The following SH2D1A variants were observed in gnomAD, a reference collection of about 807,000 sequenced individuals.
The protein encoded by SH2D1A is SH2 domain-containing protein 1A.
SH2D1A carries 6 observed loss-of-function variants against 10.1 expected under a neutral mutation model. The ratio of observed to expected loss-of-function variants is 0.60; its 90% CI spans 0.33 to 1.18. The LOEUF (loss-of-function observed/expected upper bound fraction) is 1.18. Among genes scored for constraint, SH2D1A ranks in the 50% most tolerant of loss-of-function variants. The pLI, the probability that SH2D1A is intolerant of heterozygous loss-of-function variation, is 0.04. For synonymous variants in SH2D1A, 42 were observed against 36.9 expected (o/e 1.14, Z -0.51); for missense variants, 51 against 97.6 (o/e 0.52, Z 2.01).
chrX:124,365,386 A>C (rs1345406703), intron 1 of SH2D1A, among the ~76,000 whole-genome samples: 2 of 110,092 alleles, frequency 1.8e-5, no homozygotes, highest in African/African-American at 6.6e-5. Context: ...TTTCACCTTA[A>C]GTTTCGATAT....
intron 1 of SH2D1A, among the ~76,000 whole-genome samples, chrX:124,361,806 T>C (rs2060040761): frequency 8.9e-6 from 1 of 112,176 alleles, no homozygotes; most frequent in Non-Finnish European, 1.9e-5. Context: ...CAGTCCCTCC[T>C]GACTGCTTAT....
intron 1 of SH2D1A, among the ~76,000 whole-genome samples, chrX:124,348,505 C>T (rs1273774317): frequency 1.8e-5 from 2 of 111,351 alleles, no homozygotes; most frequent in African/African-American, 3.3e-5. Flanking sequence ...AGGATTTCTG[C>T]GCTTATTGTT....
intron 2 of SH2D1A, among the ~76,000 whole-genome samples, chrX:124,366,876 AACACACACACACACACACAC>A (rs59536671): frequency 9.2e-5 from 8 of 87,089 alleles, no homozygotes; most frequent in African/African-American, 2.1e-4. Context: ...TATACTGACA[AACACACACACACACACACAC>A]ACACACACAC....
At chrX:124,348,059 A>G (rs769717279) in intron 1 of SH2D1A, among the ~76,000 whole-genome samples, 1 of 111,945 alleles carries the variant, frequency 8.9e-6, no homozygotes, top group African/African-American at 3.2e-5. Context: ...AAGATTTTTC[A>G]CTGTATATTG....
chrX:124,355,004 G>A (rs957875726), intron 1 of SH2D1A, among the ~76,000 whole-genome samples: 1 of 112,666 alleles, frequency 8.9e-6, no homozygotes, highest in Non-Finnish European at 1.9e-5. Flanking sequence ...ATGGCTTTGT[G>A]TAGGATACTA....
chrX:124,363,417 A>G (rs1461693712), intron 1 of SH2D1A, among the ~76,000 whole-genome samples: 1 of 111,759 alleles, frequency 8.9e-6, no homozygotes, highest in African/African-American at 3.3e-5. Context: ...TGTGCAATAT[A>G]GCAACATTTT....
chrX:124,353,945 CCA>C (rs1428419756), intron 1 of SH2D1A, among the ~76,000 whole-genome samples: 5 of 112,083 alleles, frequency 4.5e-5, no homozygotes, highest in Admixed American at 1.9e-4. Flanking sequence ...AAATAAAATT[CCA>C]GTTTATCAGT....
rs2060071181 is a variant in SH2D1A, at chrX:124,372,229, G to T, written c.*838G>T. Reference sequence around the variant, plus strand: ...TTAAAGTAACCCTACAAAACCACTGGAAAGTTTATGGTTGTATTATTTTTT... The same window carrying T: ...TTAAAGTAACCCTACAAAACCACTGTAAAGTTTATGGTTGTATTATTTTTT... On this transcript the variant is annotated 3_prime_UTR_variant, in exon 4 of 4. Coordinates refer to ENST00000371139, the MANE Select transcript of SH2D1A (RefSeq NM_002351.5). 2 of 164,112 alleles carry T rather than the reference G, an allele frequency of 1.2e-5. No individual in the cohort carries two copies. The highest frequency in any genetic ancestry group is 2.3e-5 in the Non-Finnish European group (2 of 85,663). 13.5% of individuals were successfully genotyped at this position (164,112 alleles called of 1,213,427 possible).
chrX:124,361,171 G>A (rs1432202943), intron 1 of SH2D1A, among the ~76,000 whole-genome samples: 3 of 111,492 alleles, frequency 2.7e-5, no homozygotes, highest in Admixed American at 9.6e-5. Context: ...TGATAAATGA[G>A]ATCATAAGGA....
At chrX:124,355,285 G>A in intron 1 of SH2D1A, among the ~76,000 whole-genome samples, 1 of 13,442 alleles carries the variant, frequency 7.4e-5, no homozygotes, top group East Asian at 0.042. Flanking sequence ...AAATAAGTCA[G>A]GTTGGTTGCT....
intron 2 of SH2D1A, among the ~76,000 whole-genome samples, chrX:124,369,125 A>G (rs2060063218): frequency 9.0e-6 from 1 of 111,384 alleles, no homozygotes; most frequent in Non-Finnish European, 1.9e-5. Context: ...TCAGCATACC[A>G]CTATCTAGCT....
intron 2 of SH2D1A, among the ~76,000 whole-genome samples, chrX:124,369,859 T>C (rs1293035441): frequency 9.0e-6 from 1 of 111,218 alleles, no homozygotes; most frequent in East Asian, 2.8e-4. Context: ...TTGTGGGTAA[T>C]GGCCTGTATA....
At chrX:124,356,922 C>G (rs777241250) in intron 1 of SH2D1A, among the ~76,000 whole-genome samples, 1 of 112,227 alleles carries the variant, frequency 8.9e-6, no homozygotes, top group South Asian at 3.6e-4. Flanking sequence ...AATATGTATA[C>G]ATGTGTAATA....
At chrX:124,350,868 A>T (rs1222662553) in intron 1 of SH2D1A, among the ~76,000 whole-genome samples, 1 of 47,835 alleles carries the variant, frequency 2.1e-5, no homozygotes, top group Non-Finnish European at 3.2e-5. Flanking sequence ...TGTATATAAG[A>T]TATAATATAT....
intron 1 of SH2D1A, among the ~76,000 whole-genome samples, chrX:124,363,890 CAAAAAAAAAAAAAAAA>C (rs1211666787): frequency 3.0e-5 from 1 of 33,281 alleles, no homozygotes; most frequent in Non-Finnish European, 4.8e-5. Flanking sequence ...GACTCTATCT[CAAAAAAAAAAAAAAAA>C]AAAAAAAAAA....
intron 1 of SH2D1A, among the ~76,000 whole-genome samples, chrX:124,358,270 G>A (rs1463415171): frequency 9.0e-6 from 1 of 111,456 alleles, no homozygotes; most frequent in African/African-American, 3.3e-5. Context: ...TATTAAAATA[G>A]GGCTAGTATG....
chrX:124,366,014 A>G (rs1431638177), intron 2 of SH2D1A, among the ~76,000 whole-genome samples, 190 bp downstream of exon 2: 1 of 111,706 alleles, frequency 9.0e-6, no homozygotes, highest in Non-Finnish European at 1.9e-5. Context: ...CTGTTTAGCC[A>G]TCATTTTGCA....
chrX:124,363,890 C>CAAAAAAAA (rs1211666787), intron 1 of SH2D1A, among the ~76,000 whole-genome samples: 9 of 33,271 alleles, frequency 2.7e-4, no homozygotes, highest in East Asian at 2.5e-3. Flanking sequence ...GACTCTATCT[C>CAAAAAAAA]AAAAAAAAAA....
Position 124,372,965 on chromosome X carries a change from A to G in SH2D1A, c.*1574A>G. 1 of 157,327 alleles carries G rather than the reference A, an allele frequency of 6.4e-6. No individual in the cohort carries two copies. The highest frequency in any genetic ancestry group is 1.2e-5 in the Non-Finnish European group (1 of 80,262). 13.0% of individuals were successfully genotyped at this position (157,327 alleles called of 1,213,427 possible). A position where few individuals can be genotyped will look rare whatever the true frequency, so the allele number is the denominator to read the frequency against. The stretch of plus-strand genomic sequence containing the variant: ...AGTTGCATAGGTTTAATAATTTTTA[A>G]TTATATGGCTTGAGTTTAAATTGTA... On this transcript the variant is annotated 3_prime_UTR_variant, in exon 4 of 4. Coordinates refer to ENST00000371139, the MANE Select transcript of SH2D1A (RefSeq NM_002351.5).
Sources: allele counts gnomAD v4.1 joint callset (sites outside exome capture counted in the v4.1 genomes callset), GRCh38; gene constraint gnomAD v4.1.1; transcripts MANE v1.5; gene names NCBI Gene and HGNC (gene_info 2026-07-23, HGNC 2026-07-21).